Variants in SH3GL2 observed in about 807,000 individuals in gnomAD.
The protein encoded by SH3GL2 is endophilin-A1.
SH3GL2 carries 24 observed loss-of-function variants against 46.0 expected under a neutral mutation model. That is an observed-to-expected ratio of 0.52 (90% CI 0.38 to 0.73). The LOEUF is 0.73. Ranked by LOEUF, SH3GL2 falls within the 30% of genes least tolerant of loss-of-function variation. The pLI is 0.00. For synonymous variants in SH3GL2, 196 were observed against 147.1 expected, an observed-to-expected ratio of 1.33 and a Z score of -2.40; for missense variants, 413 against 424.2, an observed-to-expected ratio of 0.97 and a Z score of 0.23.
intron 1 of SH3GL2, among the ~76,000 whole-genome samples, chr9:17,691,580 ACACT>A (rs1821080183): frequency 6.6e-6 from 1 of 152,156 alleles, no homozygotes; most frequent in African/African-American, 2.4e-5. Context: ...TGAAACCAAA[ACACT>A]CAGTTTATTG....
At position 17,795,941 on chromosome 9, in the gene SH3GL2, C is replaced by T. The variant is rs973851749; in HGVS notation, c.*198C>T. The stretch of plus-strand genomic sequence containing the variant: ...GATGATATCCTCTTAGCCTGGTGGG[C>T]GTGGCATGTGCTTTTTAAAACATCA... On this transcript the variant is annotated 3_prime_UTR_variant, in exon 9 of 9. Coordinates refer to ENST00000380607, the MANE Select transcript of SH3GL2 (RefSeq NM_003026.5). 1.2e-5 allele frequency: 7 copies of T among 566,662 alleles called. No homozygotes were observed. Among genetic ancestry groups the T allele is most frequent in the Non-Finnish European group, 2.2e-5 (7 of 318,406 alleles). 35.1% of individuals were successfully genotyped at this position (566,662 alleles called of 1,614,324 possible).
At chr9:17,754,237 G>A (rs1487953522) in intron 2 of SH3GL2, among the ~76,000 whole-genome samples, 1 of 152,154 alleles carries the variant, frequency 6.6e-6, no homozygotes, top group Non-Finnish European at 1.5e-5. Context: ...TAGTCTAATA[G>A]GAATAGCATT....
chr9:17,743,763 A>G (rs931012077), intron 1 of SH3GL2, among the ~76,000 whole-genome samples: 114 of 152,332 alleles, frequency 7.5e-4, no homozygotes, highest in African/African-American at 2.6e-3. Context: ...AGGGGAAATT[A>G]AAATCACTCT....
chr9:17,747,793 C>T (rs1028214637), intron 2 of SH3GL2, among the ~76,000 whole-genome samples: 3 of 152,116 alleles, frequency 2.0e-5, no homozygotes, highest in African/African-American at 7.2e-5. Context: ...CCTGCCTCAG[C>T]TCCCTGAGTA....
At chr9:17,674,067 C>T (rs1032341045) in intron 1 of SH3GL2, among the ~76,000 whole-genome samples, 4 of 152,114 alleles carry the variant, frequency 2.6e-5, no homozygotes, top group Admixed American at 2.0e-4. Context: ...CTGAGCACTT[C>T]CTTATGGAGG....
chr9:17,607,845 G>C (rs1258809996), intron 1 of SH3GL2, among the ~76,000 whole-genome samples: 1 of 152,188 alleles, frequency 6.6e-6, no homozygotes, highest in African/African-American at 2.4e-5. Flanking sequence ...TGAATGGTAT[G>C]ACACTTGGTA....
intron 3 of SH3GL2, among the ~76,000 whole-genome samples, chr9:17,762,107 G>A (rs185798017): frequency 3.3e-5 from 5 of 152,204 alleles, no homozygotes; most frequent in East Asian, 1.9e-4. Context: ...GGGCAGTTTC[G>A]GTAGGCACTA....
chr9:17,693,033 A>T (rs2118144084), intron 1 of SH3GL2, among the ~76,000 whole-genome samples: 1 of 152,292 alleles, frequency 6.6e-6, no homozygotes, highest in East Asian at 1.9e-4. Flanking sequence ...ATTCTGAGAG[A>T]TAAATTCAAG....
At chr9:17,762,827 A>T (rs1823216391) in intron 3 of SH3GL2, among the ~76,000 whole-genome samples, 3 of 152,186 alleles carry the variant, frequency 2.0e-5, no homozygotes, top group African/African-American at 7.2e-5. Flanking sequence ...TTGGATGCAC[A>T]TTTATTCCTT....
chr9:17,770,718 A>C (rs576549635), intron 3 of SH3GL2, among the ~76,000 whole-genome samples: 1 of 152,230 alleles, frequency 6.6e-6, no homozygotes, highest in Non-Finnish European at 1.5e-5. Context: ...GCACACTGCC[A>C]TGTTATGACA....
intron 3 of SH3GL2, among the ~76,000 whole-genome samples, chr9:17,775,901 C>G (rs995956843): frequency 1.3e-5 from 2 of 152,106 alleles, no homozygotes; most frequent in African/African-American, 4.8e-5. Context: ...CTCTTCTTCC[C>G]TGTTGTGATA....
chr9:17,682,981 A>T (rs565095963), intron 1 of SH3GL2, among the ~76,000 whole-genome samples: 1 of 152,118 alleles, frequency 6.6e-6, no homozygotes, highest in Non-Finnish European at 1.5e-5. Flanking sequence ...ATAGTAAAAA[A>T]TCCAGATAGT....
intron 3 of SH3GL2, among the ~76,000 whole-genome samples, chr9:17,763,108 T>C (rs1209598985): frequency 1.3e-5 from 2 of 152,172 alleles, no homozygotes; most frequent in African/African-American, 2.4e-5. Context: ...CATTGTCTCA[T>C]CTTTAAAAGT....
intron 2 of SH3GL2, among the ~76,000 whole-genome samples, chr9:17,747,512 T>G (rs1335853132): frequency 6.6e-6 from 1 of 152,166 alleles, no homozygotes; most frequent in East Asian, 1.9e-4. Context: ...ACTTTCTGGC[T>G]TTAAGGACCT....
intron 1 of SH3GL2, among the ~76,000 whole-genome samples, chr9:17,732,402 G>C (rs570520596): frequency 6.6e-6 from 1 of 152,214 alleles, no homozygotes; most frequent in South Asian, 2.1e-4. Flanking sequence ...AATTAGTATA[G>C]AGGTTGGTAT....
chr9:17,740,486 G>GTATTT (rs1213826933), intron 1 of SH3GL2, among the ~76,000 whole-genome samples: 1 of 151,752 alleles, frequency 6.6e-6, no homozygotes, highest in African/African-American at 2.4e-5. Context: ...GTATTGTATT[G>GTATTT]TATTGTATTT....
intron 1 of SH3GL2, among the ~76,000 whole-genome samples, chr9:17,641,316 T>G (rs1227099720): frequency 3.3e-5 from 5 of 152,226 alleles, no homozygotes; most frequent in African/African-American, 2.4e-5. Context: ...AAGGGACAGA[T>G]GTATGAATGA....
intron 1 of SH3GL2, among the ~76,000 whole-genome samples, chr9:17,597,162 T>A (rs1000304479): frequency 6.6e-6 from 1 of 152,208 alleles, no homozygotes; most frequent in African/African-American, 2.4e-5. Flanking sequence ...TATACCAAAT[T>A]GATGTTTTTA....
intron 1 of SH3GL2, among the ~76,000 whole-genome samples, chr9:17,738,626 T>TTTTTTATA (rs58272546): frequency 2.7e-5 from 2 of 74,814 alleles, no homozygotes; most frequent in Admixed American, 1.6e-4. Context: ...TCATGTGATT[T>TTTTTTATA]TATATATATA....
Sources: allele counts gnomAD v4.1 joint callset (sites outside exome capture counted in the v4.1 genomes callset), GRCh38; gene constraint gnomAD v4.1.1; transcripts MANE v1.5; gene names NCBI Gene and HGNC (gene_info 2026-07-23, HGNC 2026-07-21).